ANKS1B: variants seen among roughly 807,000 people sequenced by gnomAD.
ANKS1B encodes ankyrin repeat and sterile alpha motif domain containing 1B.
Under a neutral mutation model 148.3 loss-of-function variants are expected in ANKS1B, and 36 were observed. That is an observed-to-expected ratio of 0.24 (90% CI 0.19 to 0.32). The LOEUF (loss-of-function observed/expected upper bound fraction) is 0.32, where lower values mean the gene tolerates loss of function less well. Among genes scored for constraint, ANKS1B ranks in the 10% least tolerant of loss-of-function variants. The pLI is 1.00. For missense variants in ANKS1B, 1,157 were observed against 1,542.6 expected (o/e 0.75, Z 4.19); for synonymous variants, 542 against 560.8 (o/e 0.97, Z 0.47).
intron 8 of ANKS1B, chr12:99,706,772 G>A (rs1256935840): frequency 6.6e-6 from 1 of 152,004 alleles, no homozygotes; most frequent in African/African-American, 2.4e-5. Flanking sequence ...ATATGGAAAG[G>A]CCATGTGGTA....
At chr12:99,811,199 A>G (rs377716281) in intron 3 of ANKS1B, among the ~76,000 whole-genome samples, 5 of 151,976 alleles carry the variant, frequency 3.3e-5, no homozygotes, top group South Asian at 2.1e-4. Context: ...ATTTACAGCA[A>G]TTGTTACTTT....
chr12:98,981,126 T>G (rs1054049654), intron 17 of ANKS1B, among the ~76,000 whole-genome samples: 9 of 151,664 alleles, frequency 5.9e-5, no homozygotes, highest in Non-Finnish European at 1.3e-4. Context: ...GGCAACATAG[T>G]GAGACTCTGT....
At chr12:99,450,665 A>G (rs1003151317) in intron 10 of ANKS1B, among the ~76,000 whole-genome samples, 3 of 152,208 alleles carry the variant, frequency 2.0e-5, no homozygotes, top group African/African-American at 7.2e-5. Flanking sequence ...ATTTTGTACT[A>G]TCTTGCATTG....
chr12:99,799,678 G>A (rs1214651081), intron 4 of ANKS1B, among the ~76,000 whole-genome samples: 1 of 151,610 alleles, frequency 6.6e-6, no homozygotes, highest in African/African-American at 2.4e-5. Context: ...GTAAGTAAAG[G>A]AAGGCCTCAC....
At chr12:98,957,564 T>C (rs1597569912) in intron 17 of ANKS1B, among the ~76,000 whole-genome samples, 1 of 151,986 alleles carries the variant, frequency 6.6e-6, no homozygotes, top group Non-Finnish European at 1.5e-5. Flanking sequence ...GCCAGGATGG[T>C]CTCAAACTCC....
chr12:99,736,376 C>G (rs1000636594), intron 8 of ANKS1B, among the ~76,000 whole-genome samples: 1 of 151,110 alleles, frequency 6.6e-6, no homozygotes. Flanking sequence ...AAAAAAAACT[C>G]TTCAAACTGA....
intron 9 of ANKS1B, among the ~76,000 whole-genome samples, chr12:99,603,103 G>A (rs1317708323): frequency 6.6e-6 from 1 of 152,048 alleles, no homozygotes; most frequent in Admixed American, 6.6e-5. Context: ...GTGCAGTGGT[G>A]TGATCTCAGC....
rs541096891 is a variant in ANKS1B, at chr12:99,335,708, A to G, written c.1756+63923T>C. On this transcript the variant is annotated intron_variant, in intron 12 of 26. Transcript: ENST00000683438. The stretch of plus-strand genomic sequence containing the variant: ...TATTTTTATGGCTGAATAGTACTCC[A>G]TTGTGTATAAGTGCCACATTTTCTG... Among the ~76,000 whole-genome samples, 4 of 152,198 alleles carry G rather than the reference A, an allele frequency of 2.6e-5. No individual in the cohort carries two copies. The South Asian group carries it at 6.2e-4, about 24-fold the overall frequency.
intron 17 of ANKS1B, among the ~76,000 whole-genome samples, chr12:98,860,282 G>A (rs867286037): frequency 6.6e-6 from 1 of 152,242 alleles, no homozygotes; most frequent in Admixed American, 6.5e-5. Context: ...ATTGCATGCT[G>A]AAGCTGTCCT....
chr12:99,081,234 G>A (rs1187169167), intron 16 of ANKS1B, among the ~76,000 whole-genome samples: 1 of 151,944 alleles, frequency 6.6e-6, no homozygotes, highest in African/African-American at 2.4e-5. Flanking sequence ...GCTTTGAAGT[G>A]TGCTAACACA....
At chr12:99,097,380 C>A (rs1388662573) in intron 15 of ANKS1B, 2 of 151,966 alleles carry the variant, frequency 1.3e-5, no homozygotes, top group Non-Finnish European at 2.9e-5. Context: ...GTTGAGACAT[C>A]TGATAATCTA....
intron 8 of ANKS1B, among the ~76,000 whole-genome samples, chr12:99,720,846 C>T (rs577266408): frequency 6.6e-6 from 1 of 152,176 alleles, no homozygotes; most frequent in Admixed American, 6.5e-5. Context: ...GTTTACACTG[C>T]CGGTTTACAC....
At chr12:99,908,840 C>T (rs886246655) in intron 1 of ANKS1B, among the ~76,000 whole-genome samples, 2 of 152,150 alleles carry the variant, frequency 1.3e-5, no homozygotes, top group African/African-American at 4.8e-5. Context: ...ATCTCAGATA[C>T]CTTTTTTCCC....
intron 10 of ANKS1B, among the ~76,000 whole-genome samples, chr12:99,487,550 G>A (rs1489021231): frequency 6.6e-6 from 1 of 150,952 alleles, no homozygotes; most frequent in East Asian, 2.0e-4. Context: ...GTTAGGCATT[G>A]TTTACAGGTT....
chr12:99,601,532 C>CA (rs1427774698), intron 9 of ANKS1B, among the ~76,000 whole-genome samples: 7 of 152,062 alleles, frequency 4.6e-5, no homozygotes, highest in East Asian at 1.9e-4. Context: ...TGGCTTTACA[C>CA]AAAAAATAAT....
intron 10 of ANKS1B, among the ~76,000 whole-genome samples, chr12:99,463,473 G>A (rs2088796): frequency 1.5e-4 from 23 of 152,186 alleles, no homozygotes; most frequent in Admixed American, 5.2e-4. Flanking sequence ...TGCGCGAGCC[G>A]AAGCAGGGCG....
chr12:99,663,434 T>C (rs2098487940), intron 8 of ANKS1B, among the ~76,000 whole-genome samples: 2 of 152,108 alleles, frequency 1.3e-5, no homozygotes, highest in South Asian at 4.1e-4. Context: ...GAAAATTACC[T>C]TGCAAGGCTA....
intron 17 of ANKS1B, among the ~76,000 whole-genome samples, chr12:99,034,210 T>G (rs953180232): frequency 2.0e-5 from 3 of 152,316 alleles, no homozygotes; most frequent in Non-Finnish European, 4.4e-5. Flanking sequence ...GAACCATGTT[T>G]GTCAGGAAGG....
chr12:98,815,848 T>A (rs959948424), intron 19 of ANKS1B, among the ~76,000 whole-genome samples: 5 of 152,190 alleles, frequency 3.3e-5, no homozygotes, highest in African/African-American at 1.2e-4. Context: ...TTCTTACGGG[T>A]CTCACTGCTG....
Sources: gnomAD v4.1 joint callset for allele counts (sites outside exome capture counted in the v4.1 genomes callset) on GRCh38, gnomAD v4.1.1 for gene constraint, MANE v1.5 for transcripts, NCBI Gene and HGNC (gene_info 2026-07-23, HGNC 2026-07-21) for gene names.